IPO9: variants seen among roughly 807,000 people sequenced by gnomAD.
IPO9 encodes importin 9.
Under a neutral mutation model 128.6 loss-of-function variants are expected in IPO9, and 28 were observed. The observed-to-expected ratio is 0.22, with a 90% CI of 0.16 to 0.30. The LOEUF (loss-of-function observed/expected upper bound fraction) is 0.30, where lower values mean the gene tolerates loss of function less well. Among genes scored for constraint, IPO9 ranks in the 10% least tolerant of loss-of-function variants. The pLI is 1.00. For synonymous variants in IPO9, 455 were observed against 475.8 expected, an observed-to-expected ratio of 0.96 and a Z score of 0.57; for missense variants, 935 against 1,293.9, an observed-to-expected ratio of 0.72 and a Z score of 4.26.
intron 13 of IPO9, among the ~76,000 whole-genome samples, chr1:201,859,470 T>C (rs1476665968): frequency 6.6e-6 from 1 of 152,078 alleles, no homozygotes; most frequent in Admixed American, 6.5e-5. Flanking sequence ...TTGAATGGAA[T>C]CCAAATCTGG....
At chr1:201,841,162 G>A (rs1382945759) in intron 1 of IPO9, among the ~76,000 whole-genome samples, 1 of 152,124 alleles carries the variant, frequency 6.6e-6, no homozygotes, top group Admixed American at 6.5e-5. Flanking sequence ...CTTTTTAGGT[G>A]AGAGGAAGAA....
chr1:201,836,341 T>G, intron 1 of IPO9, among the ~76,000 whole-genome samples: 1 of 152,124 alleles, frequency 6.6e-6, no homozygotes, highest in Non-Finnish European at 1.5e-5. Flanking sequence ...GCCAAGAGCT[T>G]TAGAATTATT....
intron 1 of IPO9, among the ~76,000 whole-genome samples, chr1:201,839,998 CA>C (rs1444332623): frequency 6.6e-6 from 1 of 152,146 alleles, no homozygotes; most frequent in Non-Finnish European, 1.5e-5. Context: ...CTCAGACATA[CA>C]AAAAGTGTTT....
At chr1:201,861,119 T>C (rs2254614) in intron 13 of IPO9, among the ~76,000 whole-genome samples, 42,751 of 151,950 alleles carry the variant, frequency 0.28, 6,258 homozygotes, top group Non-Finnish European at 0.33. Context: ...TGAGCCGAGA[T>C]TGTGCCAGTG....
In IPO9 at chr1:201,876,184, A is replaced by G. The variant is rs575388259; in HGVS notation, c.*130A>G. 2.3e-5 allele frequency: 18 copies of G among 768,632 alleles called. No homozygotes were observed. The African/African-American group carries it at 2.5e-4, about 11-fold the overall frequency. 47.6% of individuals were successfully genotyped at this position (768,632 alleles called of 1,614,324 possible). ...TTGACCCTTGGCCCTTGGCCTCGGC[A>G]GTGACACTGATGACAATTCAGACCA... On this transcript the variant is annotated 3_prime_UTR_variant, in exon 24 of 24. Transcript: ENST00000361565.
intron 8 of IPO9, 96 bp downstream of exon 8, chr1:201,855,019 A>G (rs963568347): frequency 3.8e-6 from 5 of 1,328,656 alleles, no homozygotes; most frequent in Admixed American, 2.1e-5. Flanking sequence ...CTTCTTACAC[A>G]GGCTTTTTTA....
At chr1:201,866,457 AT>A (rs1204230492) in intron 14 of IPO9, among the ~76,000 whole-genome samples, 1 of 141,826 alleles carries the variant, frequency 7.1e-6, no homozygotes, top group East Asian at 2.1e-4. Flanking sequence ...GTTTATATAA[AT>A]TAAGCTTGTT....
chr1:201,851,775 A>C (rs1680222951), intron 4 of IPO9, among the ~76,000 whole-genome samples: 1 of 152,242 alleles, frequency 6.6e-6, no homozygotes. Context: ...GATGGGCACA[A>C]GATAAATTAA....
chr1:201,874,370 A>G lies in IPO9; in HGVS notation c.2831A>G (p.Gln944Arg). 6.2e-7 allele frequency: 1 copy of G among 1,613,328 alleles called. No homozygotes were observed. Among genetic ancestry groups the G allele is most frequent in the Non-Finnish European group, 8.5e-7 (1 of 1,179,586 alleles). The change falls in exon 21 of 24, where the codon CAA becomes CGA. Residue 944 changes from glutamine to arginine, a missense_variant and splice_region_variant. By Grantham distance (43) the Gln-to-Arg change is conservative. Around this residue, in one of 3 missense-constraint regions of IPO9, gnomAD observed 188 missense variants for 246.7 expected, o/e 0.76. Coordinates refer to ENST00000361565, the MANE Select transcript of IPO9 (RefSeq NM_018085.5). Reference protein sequence around the residue: ...ARQATPAEWSQDDSNDMWEDQ... With the variant: ...ARQATPAEWSRDDSNDMWEDQ... Reference sequence around the variant, plus strand: ...CAGGCCACTCCTGCAGAGTGGAGTCAAGGTGCACCAGGCCCTTACTCCCAG... The same window carrying G: ...CAGGCCACTCCTGCAGAGTGGAGTCGAGGTGCACCAGGCCCTTACTCCCAG...
Position 201,879,589 on chromosome 1 carries a change from G to C in IPO9, c.*3535G>C, listed in dbSNP as rs985264848. ...AACCCTTAGGAAGGATGACAATTTA[G>C]AATCCAAATTTAGGATCCAAACAAA... On this transcript the variant is annotated 3_prime_UTR_variant, in exon 24 of 24. Transcript: ENST00000361565. 2 of 152,170 alleles carry C rather than the reference G, an allele frequency of 1.3e-5. No individual in the cohort carries two copies. The highest frequency in any genetic ancestry group is 4.1e-4 in the South Asian group (2 of 4,832). The allele number at this position is 152,170 out of a possible 1,614,324, so 9.4% of individuals were successfully genotyped here.
rs1207069227 is a variant in IPO9, at chr1:201,882,560, A to G, written c.*6506A>G. 1 of 151,984 alleles carries G rather than the reference A, an allele frequency of 6.6e-6. No individual in the cohort carries two copies. The highest frequency in any genetic ancestry group is 1.5e-5 in the Non-Finnish European group (1 of 68,002). The allele number at this position is 151,984 out of a possible 1,614,324, so 9.4% of individuals were successfully genotyped here. ...TTTTTTCCTTTTTTGAGTAACTGGG[A>G]AAAGGGTGGCATTACTGCTGGCTTC... On this transcript the variant is annotated 3_prime_UTR_variant, in exon 24 of 24. Coordinates refer to ENST00000361565, the MANE Select transcript of IPO9 (RefSeq NM_018085.5).
At position 201,876,027 on chromosome 1, in the gene IPO9, G is replaced by A. The variant is rs1356081761; in HGVS notation, c.3099G>A (p.Arg1033=). The change falls in exon 24 of 24, where the codon AGG becomes AGA. Residue 1033 remains arginine, a synonymous_variant. Coordinates refer to ENST00000361565, the MANE Select transcript of IPO9 (RefSeq NM_018085.5). Reference sequence around the variant, plus strand: ...CAGGCCACCTTAATGACAATGAGAGGCGAGTTCTACAGACCATCGGCATCT... The same window carrying A: ...CAGGCCACCTTAATGACAATGAGAGACGAGTTCTACAGACCATCGGCATCT... The part of the protein sequence containing the change: ...MFSGHLNDNE[R]RVLQTIGI The A allele has an allele frequency of 3.7e-6, 6 of 1,613,332 alleles. No homozygotes were observed. In the South Asian group the frequency reaches 5.5e-5, roughly 15 times the overall value.
chr1:201,834,232 A>T (rs1679886880), intron 1 of IPO9, among the ~76,000 whole-genome samples: 1 of 150,540 alleles, frequency 6.6e-6, no homozygotes. Flanking sequence ...TGCACTGCTA[A>T]GAGTCTAAAG....
chr1:201,874,618 T>G (rs1403327621), intron 21 of IPO9, among the ~76,000 whole-genome samples: 6 of 152,192 alleles, frequency 3.9e-5, no homozygotes, highest in Admixed American at 3.9e-4. Context: ...CTTCTTTGGT[T>G]TGATTCTTCT....
In IPO9 at chr1:201,859,185, AT is replaced by A. The variant is rs1558221354; in HGVS notation, c.1468+192del. ...TACCCTAGAACTCAAAGTATAATAT[AT>A]ATATATATATATATATATATAAAGG... is the stretch of plus-strand genomic sequence containing the variant. On this transcript the variant is annotated intron_variant, in intron 13 of 23. Transcript: ENST00000361565. Among the ~76,000 whole-genome samples the A allele has an allele frequency of 7.3e-3, 963 of 132,698 alleles. 89 individuals are homozygous for A. The highest frequency in any genetic ancestry group is 0.024 in the African/African-American group (858 of 35,270). The allele number at this position is 132,698 out of a possible 152,430, so 87.1% of individuals were successfully genotyped here. A position where few individuals can be genotyped will look rare whatever the true frequency, so the allele number is the denominator to read the frequency against.
At chr1:201,867,238 A>G (rs1302183294) in intron 15 of IPO9, among the ~76,000 whole-genome samples, 1 of 152,234 alleles carries the variant, frequency 6.6e-6, no homozygotes, top group Non-Finnish European at 1.5e-5. Context: ...GACATAATTC[A>G]GAACTTTGAT....
chr1:201,857,795 CAAA>C (rs34460064), intron 11 of IPO9, among the ~76,000 whole-genome samples: 22 of 124,386 alleles, frequency 1.8e-4, no homozygotes, highest in Non-Finnish European at 3.0e-4. Context: ...AACTTGGTCT[CAAA>C]AAAAAAAAAA....
In IPO9 at chr1:201,855,253, C is replaced by T. The variant is rs961487369; in HGVS notation, c.970+71C>T. 2.0e-5 allele frequency: 19 copies of T among 935,894 alleles called. 1 individual carries two copies. Among genetic ancestry groups the T allele is most frequent in the Middle Eastern group, 2.1e-4 (1 of 4,670 alleles). The allele number at this position is 935,894 out of a possible 1,614,324, so 58.0% of individuals were successfully genotyped here. A position where few individuals can be genotyped will look rare whatever the true frequency, so the allele number is the denominator to read the frequency against. ...AAGAAAAAGAAGCCAGAGATGGGGG[C>T]GGGAAACAGTAACTTGAGAGGCTTC... On this transcript the variant is annotated intron_variant, in intron 9 of 23. Transcript: ENST00000361565.
chr1:201,870,550 T>A lies in IPO9; in HGVS notation c.2134-33T>A. ...GGCCTTCTGGCATCTGTCCCTCGAT[T>A]ACTAATCTTGCTTGCCACCCCTGTC... On this transcript the variant is annotated intron_variant, in intron 17 of 23. Coordinates refer to ENST00000361565, the MANE Select transcript of IPO9 (RefSeq NM_018085.5). This position sits in a 1 kb window ranked among gnomAD's most constrained non-coding sequence, Gnocchi z 4.9. 2 of 1,600,272 alleles carry A rather than the reference T, an allele frequency of 1.2e-6. No individual in the cohort carries two copies. The highest frequency in any genetic ancestry group is 3.5e-4 in the Middle Eastern group (2 of 5,786).
Sources: allele counts gnomAD v4.1 joint callset (sites outside exome capture counted in the v4.1 genomes callset), GRCh38; gene constraint gnomAD v4.1.1; regional missense constraint gnomAD v4.1.1; non-coding constraint Gnocchi (gnomAD v3.1); transcripts MANE v1.5; gene names NCBI Gene and HGNC (gene_info 2026-07-23, HGNC 2026-07-21).